The following TCOF1 variants were observed in gnomAD, a reference collection of about 807,000 sequenced individuals.
The protein encoded by TCOF1 is treacle ribosome biogenesis factor 1.
Under a neutral mutation model 149.0 loss-of-function variants are expected in TCOF1, and 33 were observed. That is an observed-to-expected ratio of 0.22 (90% CI 0.17 to 0.30). The LOEUF (loss-of-function observed/expected upper bound fraction) is 0.30. TCOF1 is among the 10% of genes least tolerant of loss of function. TCOF1 has a pLI of 1.00. For missense variants in TCOF1, 1,728 were observed against 1,840.7 expected (o/e 0.94, Z 1.12); for synonymous variants, 789 against 738.8 (o/e 1.07, Z -1.10).
chr5:150,390,130 C>T (rs1767111203), intron 19 of TCOF1, 107 bp downstream of exon 19: 2 of 1,518,036 alleles, frequency 1.3e-6, no homozygotes, highest in Non-Finnish European at 1.8e-6. Flanking sequence ...GTCACGCCCA[C>T]ACTCCAGAGG....
intron 2 of TCOF1, among the ~76,000 whole-genome samples, chr5:150,361,833 G>C (rs539314301): frequency 6.6e-6 from 1 of 152,298 alleles, no homozygotes; most frequent in Admixed American, 6.5e-5. Context: ...GCTAAGTCCT[G>C]TGGCTGGTGG....
chr5:150,368,819 C>G lies in TCOF1; in HGVS notation c.482C>G (p.Ala161Gly). The G allele has an allele frequency of 6.2e-7, 1 of 1,614,098 alleles. No homozygotes were observed. Among genetic ancestry groups the G allele is most frequent in the Non-Finnish European group, 8.5e-7 (1 of 1,180,040 alleles). The change falls in exon 5 of 27, where the codon GCA (alanine) becomes GGA (glycine). Residue 161 changes from alanine (A) to glycine (G), a missense_variant. By Grantham distance (60) the Ala-to-Gly change is moderately conservative (BLOSUM62 0). Around this residue, in one of 2 missense-constraint regions of TCOF1, gnomAD observed 1,696 missense variants for 1,765.4 expected, o/e 0.96. Coordinates refer to ENST00000643257, the MANE Select transcript of TCOF1 (RefSeq NM_001371623.1). ...LLSGKSPRKSAEPSANTTLVS... is the reference protein window; with the variant it reads ...LLSGKSPRKSGEPSANTTLVS... ...TCTGGGAAGTCTCCCAGGAAGTCAG[C>G]AGAGCCCTCAGCAAATACTACGTTG...
At chr5:150,361,355 C>A in intron 2 of TCOF1, 144 bp downstream of exon 2, 2 of 879,414 alleles carry the variant, frequency 2.3e-6, no homozygotes, top group Non-Finnish European at 3.7e-6. Context: ...AGCCAGCTCA[C>A]ATCACATGGA....
At chr5:150,387,765 C>A in intron 17 of TCOF1, 137 bp from the exon 18 acceptor site, 1 of 1,228,864 alleles carries the variant, frequency 8.1e-7, no homozygotes. Context: ...CCCTGGGCAG[C>A]TGGAATGGCT....
intron 17 of TCOF1, among the ~76,000 whole-genome samples, chr5:150,382,462 G>A (rs1279125695): frequency 6.6e-6 from 1 of 152,176 alleles, no homozygotes; most frequent in South Asian, 2.1e-4. Flanking sequence ...TGGAAGCTCA[G>A]GCAGCCTGGG....
chr5:150,391,468 A>G, intron 19 of TCOF1, 76 bp from the exon 20 acceptor site: 1 of 1,292,976 alleles, frequency 7.7e-7, no homozygotes, highest in Admixed American at 1.7e-5. Context: ...CCAGCCAGAC[A>G]GCATCTGACC....
At chr5:150,371,875 G>A (rs557559159) in intron 6 of TCOF1, 131 bp from the exon 7 acceptor site, 321 of 817,944 alleles carry the variant, frequency 3.9e-4, no homozygotes, top group Non-Finnish European at 5.2e-4. Flanking sequence ...GCTAATAGCC[G>A]TCTCAGGGAG....
At chr5:150,373,120 G>T (rs1349608968) in intron 7 of TCOF1, among the ~76,000 whole-genome samples, 2 of 151,974 alleles carry the variant, frequency 1.3e-5, no homozygotes, top group Non-Finnish European at 2.9e-5. Context: ...TTGCTCTGTT[G>T]CCCAAGCTGG....
Position 150,392,237 on chromosome 5 carries a change from G to T in TCOF1, c.3517+61G>T, listed in dbSNP as rs376164669. 1.9e-6 allele frequency: 3 copies of T among 1,557,498 alleles called. No homozygotes were observed. In the African/African-American group the frequency reaches 4.1e-5, roughly 21 times the overall value. On this transcript the variant is annotated intron_variant, in intron 21 of 26. Coordinates refer to ENST00000643257, the MANE Select transcript of TCOF1 (RefSeq NM_001371623.1). ...GAAGAGGGTGTTGTGTGGCCTGGTG[G>T]AGCCATAGCTCTGGCCTCAGCTCCA...
chr5:150,371,547 G>A (rs527559868), intron 6 of TCOF1, among the ~76,000 whole-genome samples: 1 of 152,302 alleles, frequency 6.6e-6, no homozygotes, highest in Admixed American at 6.5e-5. Context: ...GCTCACAGAG[G>A]GAAGGAATTT....
chr5:150,399,146 G>A, intron 26 of TCOF1, 76 bp downstream of exon 26: 1 of 1,597,958 alleles, frequency 6.3e-7, no homozygotes, highest in African/African-American at 1.3e-5. Context: ...CAGAGAGCCA[G>A]GCAGACCTGA....
At chr5:150,392,465 T>C in intron 21 of TCOF1, 1 of 609,394 alleles carries the variant, frequency 1.6e-6, no homozygotes, top group Non-Finnish European at 2.9e-6. Context: ...AGCAGGGAAA[T>C]AGAAATGGGG....
At position 150,377,199 on chromosome 5, in the gene TCOF1, G is replaced by A. The variant is rs570684385; in HGVS notation, c.2340+579G>A. On this transcript the variant is annotated intron_variant, in intron 14 of 26. Coordinates refer to ENST00000643257, the MANE Select transcript of TCOF1 (RefSeq NM_001371623.1). ...TGCCACAGGCGGCACATTGTGGTGGGATGGCTGGCAGTTGTTTAGAGCCAG... is the reference window on the plus strand; with the variant it reads ...TGCCACAGGCGGCACATTGTGGTGGAATGGCTGGCAGTTGTTTAGAGCCAG... 8.5e-5 allele frequency among the ~76,000 whole-genome samples: 13 copies of A among 152,348 alleles called. No individual in the cohort carries two copies. In the South Asian group the frequency reaches 2.7e-3, roughly 32 times the overall value.
intron 17 of TCOF1, chr5:150,383,126 C>CG: frequency 2.0e-6 from 3 of 1,536,086 alleles, no homozygotes; most frequent in South Asian, 2.4e-5. Context: ...GAGAGGAACA[C>CG]GGAGGGGTCC....
intron 7 of TCOF1, 66 bp downstream of exon 7, chr5:150,372,302 C>A: frequency 7.2e-7 from 1 of 1,382,644 alleles, no homozygotes; most frequent in Non-Finnish European, 1.0e-6. Context: ...GAGCACTCTG[C>A]CATGAGCACC....
Position 150,373,212 on chromosome 5 carries a change from T to TTG in TCOF1, c.871-940_871-939dup, listed in dbSNP as rs113101162. ...ACAGGCACACACCACCACACCCAGC[T>TTG]TGTGTGTGTGTGTGTGTGTGTGTAT... On this transcript the variant is annotated intron_variant, in intron 7 of 26. Transcript: ENST00000643257. Among the ~76,000 whole-genome samples, 1,019 of 148,716 alleles carry TTG rather than the reference T, an allele frequency of 6.9e-3. 2 individuals carry two copies. The highest frequency in any genetic ancestry group is 0.016 in the South Asian group (74 of 4,682).
At chr5:150,378,744 CTG>C in intron 14 of TCOF1, 159 bp from the exon 15 acceptor site, 1 of 954,388 alleles carries the variant, frequency 1.0e-6, no homozygotes, top group Non-Finnish European at 1.6e-6. Context: ...GAGGACTGAA[CTG>C]AGGCCCAGTG....
chr5:150,368,526 T>A, intron 4 of TCOF1, 190 bp from the exon 5 acceptor site: 2 of 626,294 alleles, frequency 3.2e-6, no homozygotes, highest in Non-Finnish European at 5.6e-6. Flanking sequence ...GGATTCTGTT[T>A]TCTCAACACC....
At chr5:150,393,308 C>T in intron 22 of TCOF1, 64 bp from the exon 23 acceptor site, 1 of 1,606,300 alleles carries the variant, frequency 6.2e-7, no homozygotes, top group South Asian at 1.1e-5. Flanking sequence ...CAGGCCATGA[C>T]TCGGGCTGGG....
Sources: gnomAD v4.1 joint callset for allele counts (sites outside exome capture counted in the v4.1 genomes callset) on GRCh38, gnomAD v4.1.1 for gene constraint, gnomAD v4.1.1 regional missense constraint, MANE v1.5 for transcripts, NCBI Gene and HGNC (gene_info 2026-07-23, HGNC 2026-07-21) for gene names.